The following SUCLG2 variants were observed in gnomAD, a reference collection of about 807,000 sequenced individuals.
SUCLG2 encodes succinate--CoA ligase [GDP-forming] subunit beta, mitochondrial.
A neutral mutation model predicts 47.9 loss-of-function variants in SUCLG2; 42 were observed. That is an observed-to-expected ratio of 0.88 (90% CI 0.69 to 1.14). The LOEUF (loss-of-function observed/expected upper bound fraction) is 1.14. SUCLG2 is among the 50% of genes most tolerant of loss of function. The probability of loss-of-function intolerance (pLI) is 0.00; values close to 1 mark genes in which losing one functional copy is unlikely to be tolerated. For missense variants in SUCLG2, 571 were observed against 525.9 expected, an observed-to-expected ratio of 1.09 and a Z score of -0.84; for synonymous variants, 195 against 197.3, an observed-to-expected ratio of 0.99 and a Z score of 0.10.
At chr3:67,579,972 A>C (rs187276529) in intron 2 of SUCLG2, among the ~76,000 whole-genome samples, 4 of 152,326 alleles carry the variant, frequency 2.6e-5, no homozygotes, top group Non-Finnish European at 5.9e-5. Context: ...ACAAGACTTA[A>C]AAATCAAGGA....
chr3:67,454,977 AAAAAG>A (rs1559532841), intron 9 of SUCLG2, among the ~76,000 whole-genome samples: 1 of 128,382 alleles, frequency 7.8e-6, no homozygotes. Context: ...AAAAAAAAAA[AAAAAG>A]AAAATGAACA....
intron 9 of SUCLG2, among the ~76,000 whole-genome samples, chr3:67,482,212 G>T (rs1704936512): frequency 6.7e-6 from 1 of 150,288 alleles, no homozygotes. Flanking sequence ...GGAAGGAAGA[G>T]AGGGAGGGAG....
intron 7 of SUCLG2, among the ~76,000 whole-genome samples, chr3:67,508,030 A>G (rs969537658): frequency 5.9e-5 from 9 of 152,244 alleles, no homozygotes; most frequent in African/African-American, 2.2e-4. Context: ...TGTATGCAAG[A>G]AACAGTGCAG....
intron 1 of SUCLG2, among the ~76,000 whole-genome samples, chr3:67,641,300 G>T (rs1701096239): frequency 6.6e-6 from 1 of 152,168 alleles, no homozygotes; most frequent in Admixed American, 6.5e-5. Flanking sequence ...GAAAACAAGT[G>T]CTGGAAGCAT....
rs1700893717 is a variant in SUCLG2 at position 67,629,678 on chromosome 3, A to G, written c.85-20082T>C. On this transcript the variant is annotated intron_variant, in intron 1 of 10. Coordinates refer to ENST00000307227, the MANE Select transcript of SUCLG2 (RefSeq NM_003848.4). ...GTGTTGGGGTAGGGGACTGAAAACT[A>G]AAAGTCCTATCCACCCTTCTTGGCA... Among the ~76,000 whole-genome samples, 3 of 152,116 alleles carry G rather than the reference A, an allele frequency of 2.0e-5. No homozygotes were observed. The South Asian group carries it at 6.2e-4, about 32-fold the overall frequency.
intron 10 of SUCLG2, among the ~76,000 whole-genome samples, chr3:67,376,786 A>G (rs1702042468): frequency 6.6e-6 from 1 of 152,216 alleles, no homozygotes; most frequent in Non-Finnish European, 1.5e-5. Flanking sequence ...CTACCCAAGC[A>G]GCAGTGAAGA....
chr3:67,361,102 G>C (rs924211760), intron 10 of SUCLG2, among the ~76,000 whole-genome samples: 1 of 151,856 alleles, frequency 6.6e-6, no homozygotes, highest in Admixed American at 6.6e-5. Flanking sequence ...CTATAATAGA[G>C]ACTAGACCAG....
chr3:67,433,679 C>T (rs768638420), intron 9 of SUCLG2, among the ~76,000 whole-genome samples: 9 of 151,958 alleles, frequency 5.9e-5, no homozygotes, highest in Non-Finnish European at 7.4e-5. Context: ...CTCAAATGCC[C>T]AGAGGGATAG....
intron 9 of SUCLG2, among the ~76,000 whole-genome samples, chr3:67,424,304 T>A (rs1703245444): frequency 6.6e-6 from 1 of 152,198 alleles, no homozygotes; most frequent in Non-Finnish European, 1.5e-5. Flanking sequence ...ATTTACCACT[T>A]TCTCTCACAA....
At chr3:67,432,305 CT>C (rs1198613427) in intron 9 of SUCLG2, among the ~76,000 whole-genome samples, 1 of 152,162 alleles carries the variant, frequency 6.6e-6, no homozygotes, top group East Asian at 1.9e-4. Flanking sequence ...GACTAAGAAG[CT>C]TTTTACAGAC....
At position 67,618,396 on chromosome 3, in the gene SUCLG2, C is replaced by T. The variant is rs549120565; in HGVS notation, c.85-8800G>A. 1.8e-3 allele frequency among the ~76,000 whole-genome samples: 268 copies of T among 152,126 alleles called. 6 individuals carry two copies. The highest frequency in any genetic ancestry group is 6.0e-3 in the African/African-American group (248 of 41,504). On this transcript the variant is annotated intron_variant, in intron 1 of 10. Transcript: ENST00000307227. ...ATCTCGCCATTGCACTCCAGCCTGG[C>T]AACAGAACAAAACTCTGTCTCAAAA...
At chr3:67,504,536 A>AT in intron 7 of SUCLG2, among the ~76,000 whole-genome samples, 1 of 152,314 alleles carries the variant, frequency 6.6e-6, no homozygotes, top group South Asian at 2.1e-4. Context: ...CTTCCAACTG[A>AT]TGAAGATGCC....
intron 9 of SUCLG2, among the ~76,000 whole-genome samples, chr3:67,435,609 G>C (rs983396655): frequency 2.0e-5 from 3 of 152,152 alleles, no homozygotes; most frequent in Non-Finnish European, 2.9e-5. Flanking sequence ...CATTATCTAA[G>C]CCCAATGTTA....
intron 9 of SUCLG2, among the ~76,000 whole-genome samples, chr3:67,429,623 C>G (rs1366815766): frequency 6.6e-6 from 1 of 152,118 alleles, no homozygotes; most frequent in East Asian, 1.9e-4. Context: ...TGTAAATGAG[C>G]TAAATGCTCC....
chr3:67,523,859 A>C (rs1270676538), intron 4 of SUCLG2, among the ~76,000 whole-genome samples: 1 of 152,198 alleles, frequency 6.6e-6, no homozygotes. Context: ...GAGGCAACAC[A>C]AAATTATAAC....
intron 1 of SUCLG2, among the ~76,000 whole-genome samples, chr3:67,630,861 G>A (rs1700912788): frequency 6.6e-6 from 1 of 152,196 alleles, no homozygotes; most frequent in African/African-American, 2.4e-5. Context: ...ACAAAGCCCT[G>A]CATCAGCAAG....
At chr3:67,556,699 C>G (rs1707170291) in intron 2 of SUCLG2, among the ~76,000 whole-genome samples, 1 of 152,132 alleles carries the variant, frequency 6.6e-6, no homozygotes, top group African/African-American at 2.4e-5. Context: ...TGCTATAACA[C>G]CATTATCTCC....
rs75759290 is a variant in SUCLG2 at position 67,613,286 on chromosome 3, A to G, written c.85-3690T>C. 7.6e-3 allele frequency among the ~76,000 whole-genome samples: 1,152 copies of G among 152,292 alleles called. 18 individuals are homozygous for G. The highest frequency in any genetic ancestry group is 0.026 in the African/African-American group (1,081 of 41,558). The stretch of plus-strand genomic sequence containing the variant: ...TCCTGAAGCTACCTAGTGGACTCCA[A>G]CCACTAGTCATCTCATTAGGGTAGA... On this transcript the variant is annotated intron_variant, in intron 1 of 10. Coordinates refer to ENST00000307227, the MANE Select transcript of SUCLG2 (RefSeq NM_003848.4).
intron 9 of SUCLG2, among the ~76,000 whole-genome samples, chr3:67,436,331 G>A (rs1703620295): frequency 6.6e-6 from 1 of 152,166 alleles, no homozygotes; most frequent in Non-Finnish European, 1.5e-5. Flanking sequence ...CCATATCACA[G>A]TGACCCATAG....
Sources: allele counts gnomAD v4.1 joint callset (sites outside exome capture counted in the v4.1 genomes callset), GRCh38; gene constraint gnomAD v4.1.1; transcripts MANE v1.5; gene names NCBI Gene and HGNC (gene_info 2026-07-23, HGNC 2026-07-21).